CNTNAP2: variants seen among roughly 807,000 people sequenced by gnomAD.
The protein encoded by CNTNAP2 is contactin associated protein 2, also known as contactin-associated protein-like 2.
CNTNAP2 carries 98 observed loss-of-function variants against 155.2 expected under a neutral mutation model. That is an observed-to-expected ratio of 0.63 (90% CI 0.54 to 0.75). CNTNAP2 has a LOEUF of 0.75. Among genes scored for constraint, CNTNAP2 ranks in the 30% least tolerant of loss-of-function variants. The probability of loss-of-function intolerance (pLI) is 0.00; values close to 1 mark genes in which losing one functional copy is unlikely to be tolerated. For synonymous variants in CNTNAP2, 651 were observed against 631.2 expected (o/e 1.03, Z -0.47); for missense variants, 1,727 against 1,688.1 (o/e 1.02, Z -0.40).
At chr7:148,021,494 T>A (rs1311884461) in intron 15 of CNTNAP2, among the ~76,000 whole-genome samples, 1 of 152,188 alleles carries the variant, frequency 6.6e-6, no homozygotes, top group Non-Finnish European at 1.5e-5. Flanking sequence ...TAACGCTGAA[T>A]CCTAAAAGAT....
intron 13 of CNTNAP2, among the ~76,000 whole-genome samples, chr7:147,802,158 C>T (rs1333721793): frequency 2.0e-5 from 3 of 148,742 alleles, no homozygotes; most frequent in African/African-American, 5.0e-5. Flanking sequence ...CGGGCAGAGG[C>T]GCTCCTCACA....
At chr7:146,855,127 A>G (rs1227466408) in intron 3 of CNTNAP2, among the ~76,000 whole-genome samples, 1 of 152,142 alleles carries the variant, frequency 6.6e-6, no homozygotes, top group African/African-American at 2.4e-5. Flanking sequence ...TTAATCCTCT[A>G]TGGGGATACT....
At chr7:146,270,532 T>A (rs1800064497) in intron 1 of CNTNAP2, among the ~76,000 whole-genome samples, 1 of 152,228 alleles carries the variant, frequency 6.6e-6, no homozygotes, top group Admixed American at 6.5e-5. Flanking sequence ...TAATCAATAA[T>A]AGTAATATTG....
intron 21 of CNTNAP2, among the ~76,000 whole-genome samples, chr7:148,316,682 A>G (rs941320995): frequency 6.6e-6 from 1 of 152,356 alleles, no homozygotes; most frequent in South Asian, 2.1e-4. Context: ...AAAAATATCA[A>G]TCACAGTAAG....
chr7:146,752,926 G>A (rs908771876), intron 1 of CNTNAP2, among the ~76,000 whole-genome samples: 2 of 152,128 alleles, frequency 1.3e-5, no homozygotes, highest in African/African-American at 2.4e-5. Flanking sequence ...GGATGTTAAA[G>A]GTTGAACCTT....
chr7:146,835,566 A>C (rs1051208280), intron 2 of CNTNAP2, among the ~76,000 whole-genome samples: 1 of 152,192 alleles, frequency 6.6e-6, no homozygotes, highest in Non-Finnish European at 1.5e-5. Flanking sequence ...GATATATGAC[A>C]ATAAGGAATA....
At chr7:146,618,233 A>G (rs937797630) in intron 1 of CNTNAP2, among the ~76,000 whole-genome samples, 1 of 152,148 alleles carries the variant, frequency 6.6e-6, no homozygotes, top group African/African-American at 2.4e-5. Flanking sequence ...GAAGCTTGAA[A>G]AGGATGATAT....
At chr7:147,421,712 A>G (rs898195966) in intron 10 of CNTNAP2, among the ~76,000 whole-genome samples, 17 of 151,880 alleles carry the variant, frequency 1.1e-4, no homozygotes, top group Admixed American at 2.0e-4. Flanking sequence ...AATGTTATCA[A>G]TGGGGCCTGG....
At chr7:146,847,657 G>A (rs181383844) in intron 3 of CNTNAP2, among the ~76,000 whole-genome samples, 6 of 152,016 alleles carry the variant, frequency 3.9e-5, no homozygotes, top group South Asian at 2.1e-4. Flanking sequence ...TTATAATAAC[G>A]TTTTTCTATT....
chr7:148,041,739 T>C (rs989852370), intron 15 of CNTNAP2, among the ~76,000 whole-genome samples: 2 of 152,178 alleles, frequency 1.3e-5, no homozygotes, highest in Admixed American at 6.5e-5. Context: ...CCTTGCAAAC[T>C]ATCCCCAGTT....
At chr7:146,767,922 A>G (rs1314629109) in intron 1 of CNTNAP2, among the ~76,000 whole-genome samples, 1 of 152,166 alleles carries the variant, frequency 6.6e-6, no homozygotes, top group Non-Finnish European at 1.5e-5. Context: ...TTTGACTCTA[A>G]GGAGCATGCT....
intron 3 of CNTNAP2, among the ~76,000 whole-genome samples, chr7:146,865,479 T>C (rs1040406836): frequency 2.6e-5 from 4 of 151,882 alleles, no homozygotes; most frequent in Admixed American, 6.6e-5. Context: ...CAAAATTGAG[T>C]CCACAAATAG....
chr7:147,043,164 T>C (rs1242181272), intron 3 of CNTNAP2, among the ~76,000 whole-genome samples: 1 of 152,172 alleles, frequency 6.6e-6, no homozygotes, highest in Non-Finnish European at 1.5e-5. Flanking sequence ...TCCCATATTA[T>C]CTTGCTCTAA....
chr7:147,231,255 T>C (rs1239225444), intron 8 of CNTNAP2, among the ~76,000 whole-genome samples: 4 of 152,364 alleles, frequency 2.6e-5, no homozygotes, highest in African/African-American at 9.6e-5. Flanking sequence ...TTGTCACATA[T>C]GGCAGTGTTT....
chr7:146,881,687 A>C (rs1389639110), intron 3 of CNTNAP2, among the ~76,000 whole-genome samples: 2 of 151,772 alleles, frequency 1.3e-5, no homozygotes, highest in Non-Finnish European at 2.9e-5. Flanking sequence ...ATAGCAAAAA[A>C]TATATACAAG....
At chr7:148,307,882 A>G (rs1253806401) in intron 21 of CNTNAP2, among the ~76,000 whole-genome samples, 2 of 152,192 alleles carry the variant, frequency 1.3e-5, no homozygotes, top group African/African-American at 4.8e-5. Context: ...CTGAGGCAGG[A>G]GAATTGCTTG....
At chr7:147,503,462 T>C (rs912866984) in intron 11 of CNTNAP2, among the ~76,000 whole-genome samples, 1 of 152,064 alleles carries the variant, frequency 6.6e-6, no homozygotes, top group African/African-American at 2.4e-5. Flanking sequence ...CAGGACTCTC[T>C]ACACCCCGCT....
chr7:148,051,679 A>G (rs1227886965), intron 15 of CNTNAP2, among the ~76,000 whole-genome samples: 1 of 152,224 alleles, frequency 6.6e-6, no homozygotes, highest in Admixed American at 6.5e-5. Flanking sequence ...ATGAAGACAA[A>G]TTTTGCTAAG....
chr7:147,575,371 G>GGTAT lies in CNTNAP2; in HGVS notation c.1897+13116_1897+13117insATGT, dbSNP rs1554406980. On this transcript the variant is annotated intron_variant, in intron 12 of 23. Transcript: ENST00000361727. Reference sequence around the variant, plus strand: ...TGTGTGTGTATTCCCTAGCTTTAGGGGTGTGTGTGTGTGTGTGTGTGTGTG... The same window carrying GGTAT: ...TGTGTGTGTATTCCCTAGCTTTAGGGGTATGTGTGTGTGTGTGTGTGTGTGTGTG... Among the ~76,000 whole-genome samples, 41 of 95,926 alleles carry GGTAT rather than the reference G, an allele frequency of 4.3e-4. 1 individual carries two copies. Among genetic ancestry groups the GGTAT allele is most frequent in the East Asian group, 6.1e-4 (2 of 3,256 alleles). 62.9% of individuals were successfully genotyped at this position (95,926 alleles called of 152,430 possible). A position where few individuals can be genotyped will look rare whatever the true frequency, so the allele number is the denominator to read the frequency against.
Sources: gnomAD v4.1 joint callset for allele counts (sites outside exome capture counted in the v4.1 genomes callset) on GRCh38, gnomAD v4.1.1 for gene constraint, MANE v1.5 for transcripts, NCBI Gene and HGNC (gene_info 2026-07-23, HGNC 2026-07-21) for gene names.